Variants in FHIP1A observed in about 807,000 individuals in gnomAD.
FHIP1A encodes the protein FHF complex subunit HOOK interacting protein 1A.
A neutral mutation model predicts 88.6 loss-of-function variants in FHIP1A; 61 were observed. The observed-to-expected ratio is 0.69, with a 90% CI of 0.56 to 0.85. FHIP1A has a LOEUF of 0.85. FHIP1A is among the 40% of genes least tolerant of loss of function. The pLI, the probability that FHIP1A is intolerant of heterozygous loss-of-function variation, is 0.00. For missense variants in FHIP1A, 1,154 were observed against 1,273.5 expected (o/e 0.91, Z 1.43); for synonymous variants, 478 against 496.0 (o/e 0.96, Z 0.48).
intron 7 of FHIP1A, among the ~76,000 whole-genome samples, chr4:151,599,306 A>G (rs1195411449): frequency 1.3e-5 from 2 of 152,194 alleles, no homozygotes; most frequent in Admixed American, 6.5e-5. Flanking sequence ...TTGTCTCTGT[A>G]TGTTTAATTT....
chr4:151,578,429 A>G (rs1733891184), intron 5 of FHIP1A, among the ~76,000 whole-genome samples: 1 of 152,224 alleles, frequency 6.6e-6, no homozygotes, highest in African/African-American at 2.4e-5. Context: ...TTTTGCTCCA[A>G]GGAATCATGG....
chr4:151,649,619 T>C lies in FHIP1A; in HGVS notation c.1578T>C (p.Asp526=). 2 of 1,551,716 alleles carry C rather than the reference T, an allele frequency of 1.3e-6. No individual in the cohort carries two copies. The highest frequency in any genetic ancestry group is 1.7e-6 in the Non-Finnish European group (2 of 1,146,984). ...RDCRVWSALY[D]GDSPDPEMFL... is the part of the protein sequence containing the mutation. ...GCCGTGTCTGGTCCGCCCTGTATGATGGCGACTCCCCCGACCCTGAGATGT... is the reference window on the plus strand; with the variant it reads ...GCCGTGTCTGGTCCGCCCTGTATGACGGCGACTCCCCCGACCCTGAGATGT... The change falls in exon 11 of 14, where the codon GAT becomes GAC. Residue 526 remains aspartate, a synonymous_variant. Transcript: ENST00000435205.
chr4:151,578,519 T>A (rs969941885), intron 5 of FHIP1A, among the ~76,000 whole-genome samples: 4 of 152,286 alleles, frequency 2.6e-5, no homozygotes, highest in African/African-American at 7.2e-5. Context: ...TTTAGTGTAT[T>A]TTGTTGTCAT....
intron 3 of FHIP1A, among the ~76,000 whole-genome samples, chr4:151,548,222 C>G (rs1303080642): frequency 6.6e-6 from 1 of 152,108 alleles, no homozygotes; most frequent in African/African-American, 2.4e-5. Flanking sequence ...AATTCAAACC[C>G]CTGGTCTAGT....
chr4:151,472,319 T>A (rs1729550303), intron 2 of FHIP1A, among the ~76,000 whole-genome samples: 1 of 152,112 alleles, frequency 6.6e-6, no homozygotes, highest in South Asian at 2.1e-4. Flanking sequence ...TTTTGTACTT[T>A]AAAAAATTTG....
intron 4 of FHIP1A, among the ~76,000 whole-genome samples, chr4:151,569,685 C>T (rs1733523757): frequency 6.6e-6 from 1 of 152,160 alleles, no homozygotes; most frequent in South Asian, 2.1e-4. Context: ...TTGTTAATAG[C>T]CTCTTTTCCA....
intron 5 of FHIP1A, among the ~76,000 whole-genome samples, chr4:151,584,983 A>G (rs913096051): frequency 3.3e-5 from 5 of 152,078 alleles, no homozygotes; most frequent in Non-Finnish European, 5.9e-5. Context: ...ACAACACCAT[A>G]TATTTTCTAT....
chr4:151,449,023 G>C (rs1285126004), intron 1 of FHIP1A, among the ~76,000 whole-genome samples: 1 of 152,068 alleles, frequency 6.6e-6, no homozygotes, highest in Non-Finnish European at 1.5e-5. Context: ...ATTTACCACA[G>C]TTTCTAATGA....
intron 1 of FHIP1A, among the ~76,000 whole-genome samples, chr4:151,428,743 C>T (rs973890964): frequency 1.3e-5 from 2 of 152,138 alleles, no homozygotes; most frequent in Non-Finnish European, 2.9e-5. Flanking sequence ...GGACCACTGT[C>T]GTTCTTTCAT....
At chr4:151,455,743 A>C (rs1364828858) in intron 2 of FHIP1A, among the ~76,000 whole-genome samples, 1 of 152,214 alleles carries the variant, frequency 6.6e-6, no homozygotes, top group Non-Finnish European at 1.5e-5. Flanking sequence ...ACTGCTTCTG[A>C]AGGCAAAGAG....
intron 7 of FHIP1A, among the ~76,000 whole-genome samples, chr4:151,613,954 GGAGTTT>G (rs1479422020): frequency 6.6e-6 from 1 of 152,116 alleles, no homozygotes; most frequent in African/African-American, 2.4e-5. Context: ...CCTGAGGTCA[GGAGTTT>G]GAGACCAGCC....
At chr4:151,512,077 C>G (rs1361618077) in intron 3 of FHIP1A, among the ~76,000 whole-genome samples, 1 of 152,222 alleles carries the variant, frequency 6.6e-6, no homozygotes, top group Non-Finnish European at 1.5e-5. Context: ...CCGGGTACTC[C>G]TCTGAGACAA....
chr4:151,643,391 G>T (rs1303420685), intron 9 of FHIP1A, among the ~76,000 whole-genome samples: 1 of 152,132 alleles, frequency 6.6e-6, no homozygotes, highest in African/African-American at 2.4e-5. Context: ...TGCGTGCACT[G>T]TGTAATAATC....
chr4:151,425,574 C>G (rs1171993386), intron 1 of FHIP1A, among the ~76,000 whole-genome samples: 1 of 152,070 alleles, frequency 6.6e-6, no homozygotes, highest in Non-Finnish European at 1.5e-5. Context: ...TTCACATAGA[C>G]TTTTTTTAGA....
intron 3 of FHIP1A, among the ~76,000 whole-genome samples, chr4:151,505,123 TAAA>T (rs1006203317): frequency 6.6e-6 from 1 of 152,130 alleles, no homozygotes; most frequent in Non-Finnish European, 1.5e-5. Context: ...ACTTCTATCC[TAAA>T]AACGTAAATG....
At chr4:151,581,146 C>A (rs1164632739) in intron 5 of FHIP1A, among the ~76,000 whole-genome samples, 1 of 152,230 alleles carries the variant, frequency 6.6e-6, no homozygotes, top group Admixed American at 6.5e-5. Context: ...GCATGAGCCA[C>A]TGCGCCCGTC....
chr4:151,526,331 C>T (rs1222135365), intron 3 of FHIP1A, among the ~76,000 whole-genome samples: 9 of 151,974 alleles, frequency 5.9e-5, no homozygotes, highest in South Asian at 2.1e-4. Flanking sequence ...CCAGTAGGGG[C>T]GGCCGGGCAG....
chr4:151,474,306 C>T (rs1729624770), intron 2 of FHIP1A, among the ~76,000 whole-genome samples: 1 of 152,140 alleles, frequency 6.6e-6, no homozygotes, highest in Non-Finnish European at 1.5e-5. Flanking sequence ...TGCCTCACTA[C>T]CTTAATCTTT....
At chr4:151,590,137 C>T (rs768204744) in intron 7 of FHIP1A, among the ~76,000 whole-genome samples, 2 of 152,260 alleles carry the variant, frequency 1.3e-5, no homozygotes, top group East Asian at 3.9e-4. Context: ...GCATTGAAGA[C>T]CTCTAAGCCT....
Sources: gnomAD v4.1 joint callset for allele counts (sites outside exome capture counted in the v4.1 genomes callset) on GRCh38, gnomAD v4.1.1 for gene constraint, MANE v1.5 for transcripts, NCBI Gene and HGNC (gene_info 2026-07-23, HGNC 2026-07-21) for gene names.